CERT1: variants seen among roughly 807,000 people sequenced by gnomAD.
CERT1 encodes ceramide transporter 1, also known as ceramide transfer protein.
In CERT1, 31 loss-of-function variants were observed where a neutral mutation model predicts 87.9. That is an observed-to-expected ratio of 0.35 (90% CI 0.27 to 0.48). The LOEUF (loss-of-function observed/expected upper bound fraction) is 0.48, where lower values mean the gene tolerates loss of function less well. Among genes scored for constraint, CERT1 ranks in the 20% least tolerant of loss-of-function variants. CERT1 has a pLI of 0.99. For missense variants in CERT1, 487 were observed against 758.0 expected, an observed-to-expected ratio of 0.64 and a Z score of 4.20; for synonymous variants, 289 against 250.9, an observed-to-expected ratio of 1.15 and a Z score of -1.44.
intron 9 of CERT1, 159 bp from the exon 10 acceptor site, chr5:75,400,456 C>T (rs573316860): frequency 1.6e-4 from 84 of 540,708 alleles, no homozygotes; most frequent in Non-Finnish European, 2.3e-4. Flanking sequence ...ATGGCAAATC[C>T]TGATACTTGC....
chr5:75,510,290 T>TA (rs945998730), intron 1 of CERT1, among the ~76,000 whole-genome samples: 24 of 149,680 alleles, frequency 1.6e-4, no homozygotes, highest in South Asian at 2.1e-4. Flanking sequence ...AGCAAAAACT[T>TA]AAAAAAAAAA....
At chr5:75,370,578 G>A (rs1761042751) in intron 17 of CERT1, 1 of 152,044 alleles carries the variant, frequency 6.6e-6, no homozygotes, top group Non-Finnish European at 1.5e-5. Flanking sequence ...ACACGTATGT[G>A]TAATACATAT....
At chr5:75,371,299 A>G (rs1218213389) in intron 17 of CERT1, 2 of 152,200 alleles carry the variant, frequency 1.3e-5, no homozygotes, top group Non-Finnish European at 2.9e-5. Context: ...CCATGACAAA[A>G]TCCAAATACA....
intron 2 of CERT1, among the ~76,000 whole-genome samples, chr5:75,480,519 C>T (rs1476796199): frequency 6.6e-6 from 1 of 152,218 alleles, no homozygotes; most frequent in Non-Finnish European, 1.5e-5. Flanking sequence ...AAACGATAAA[C>T]TCACACGCAT....
intron 12 of CERT1, among the ~76,000 whole-genome samples, chr5:75,388,599 CATAT>C (rs59799780): frequency 0.095 from 8,621 of 90,698 alleles, 474 homozygotes; most frequent in East Asian, 0.16. Context: ...AGCATGCATG[CATAT>C]ATATATATAT....
At chr5:75,393,825 C>T (rs1249312535) in intron 11 of CERT1, among the ~76,000 whole-genome samples, 5 of 151,472 alleles carry the variant, frequency 3.3e-5, no homozygotes, top group Admixed American at 1.3e-4. Flanking sequence ...ATTAGCTGGG[C>T]GTGGTGGTGC....
chr5:75,386,897 C>T (rs549365091), intron 12 of CERT1, among the ~76,000 whole-genome samples: 19 of 152,216 alleles, frequency 1.2e-4, no homozygotes, highest in African/African-American at 4.6e-4. Context: ...GACAGAGTTT[C>T]GCTATTGTTG....
At chr5:75,403,916 A>G (rs778870253) in intron 8 of CERT1, among the ~76,000 whole-genome samples, 1 of 152,250 alleles carries the variant, frequency 6.6e-6, no homozygotes, top group Non-Finnish European at 1.5e-5. Flanking sequence ...ACAAAGAACA[A>G]TAACAAAATG....
chr5:75,472,308 TAAAA>T (rs1765752242), intron 2 of CERT1, among the ~76,000 whole-genome samples: 1 of 152,194 alleles, frequency 6.6e-6, no homozygotes, highest in Non-Finnish European at 1.5e-5. Flanking sequence ...ATATAAGACC[TAAAA>T]CTATGAAACT....
chr5:75,404,243 GTTC>G (rs1382035536), intron 8 of CERT1, among the ~76,000 whole-genome samples: 1 of 135,254 alleles, frequency 7.4e-6, no homozygotes, highest in Non-Finnish European at 1.5e-5. Flanking sequence ...ACTTAATGGA[GTTC>G]TTCTTTTAGG....
intron 7 of CERT1, among the ~76,000 whole-genome samples, chr5:75,411,422 T>TC (rs1460691537): frequency 4.6e-5 from 7 of 152,206 alleles, no homozygotes; most frequent in Non-Finnish European, 8.8e-5. Context: ...CAAGCAATTC[T>TC]CCTGCCTCAG....
At chr5:75,371,039 C>T (rs1041205479) in intron 17 of CERT1, 1 of 151,614 alleles carries the variant, frequency 6.6e-6, no homozygotes, top group African/African-American at 2.4e-5. Flanking sequence ...CACTGAATTT[C>T]AAGCTCTTAA....
chr5:75,510,824 C>T (rs915978702), intron 1 of CERT1, among the ~76,000 whole-genome samples: 1 of 152,140 alleles, frequency 6.6e-6, no homozygotes, highest in African/African-American at 2.4e-5. Flanking sequence ...TCCTTACACC[C>T]GGGACAGCTG....
At chr5:75,478,928 A>AAAAAAAAAAAAAG (rs1158725239) in intron 2 of CERT1, among the ~76,000 whole-genome samples, 1 of 149,536 alleles carries the variant, frequency 6.7e-6, no homozygotes, top group African/African-American at 2.4e-5. Context: ...AAAAAAAAAA[A>AAAAAAAAAAAAAG]AAAAAAAAAA....
intron 3 of CERT1, among the ~76,000 whole-genome samples, chr5:75,435,360 T>A (rs775397849): frequency 6.6e-5 from 10 of 152,232 alleles, no homozygotes; most frequent in Admixed American, 2.6e-4. Context: ...TTGGACTGCA[T>A]TTCAACCTTC....
intron 3 of CERT1, among the ~76,000 whole-genome samples, chr5:75,445,712 T>G (rs1225910381): frequency 6.6e-6 from 1 of 152,170 alleles, no homozygotes; most frequent in Non-Finnish European, 1.5e-5. Context: ...AAAGCTGGTC[T>G]CAAACTCCTG....
intron 3 of CERT1, among the ~76,000 whole-genome samples, chr5:75,429,825 C>T (rs1432883954): frequency 7.0e-6 from 1 of 142,894 alleles, no homozygotes; most frequent in Non-Finnish European, 1.5e-5. Context: ...ATAAGTTCAT[C>T]CAAATATAAG....
At chr5:75,407,880 T>C (rs1471304696) in intron 8 of CERT1, among the ~76,000 whole-genome samples, 1 of 148,796 alleles carries the variant, frequency 6.7e-6, no homozygotes, top group Non-Finnish European at 1.5e-5. Context: ...TTTGGCACAA[T>C]TGTTTTTTTT....
At chr5:75,430,902 A>C (rs536991906) in intron 3 of CERT1, among the ~76,000 whole-genome samples, 1 of 152,214 alleles carries the variant, frequency 6.6e-6, no homozygotes, top group African/African-American at 2.4e-5. Context: ...TTAGTGGGGC[A>C]TTGTGGTGTG....
Sources: gnomAD v4.1 joint callset for allele counts (sites outside exome capture counted in the v4.1 genomes callset) on GRCh38, gnomAD v4.1.1 for gene constraint, MANE v1.5 for transcripts, NCBI Gene and HGNC (gene_info 2026-07-23, HGNC 2026-07-21) for gene names.